Variants in MBD5 observed in about 807,000 individuals in gnomAD.
MBD5 encodes the protein methyl-CpG-binding domain protein 5.
A neutral mutation model predicts 117.3 loss-of-function variants in MBD5; 13 were observed. That is an observed-to-expected ratio of 0.11 (90% CI 0.07 to 0.18). MBD5 has a LOEUF of 0.18. MBD5 is among the 10% of genes least tolerant of loss of function. MBD5 has a pLI of 1.00. For missense variants in MBD5, 1,879 were observed against 2,093.8 expected (o/e 0.90, Z 2.00); for synonymous variants, 727 against 766.4 (o/e 0.95, Z 0.85).
intron 1 of MBD5, among the ~76,000 whole-genome samples, chr2:148,057,413 T>C (rs957191842): frequency 6.6e-6 from 1 of 151,904 alleles, no homozygotes; most frequent in Non-Finnish European, 1.5e-5. Flanking sequence ...TATAAGGTTT[T>C]TGTTTTTTTT....
At chr2:148,342,955 G>A (rs1171425426) in intron 4 of MBD5, among the ~76,000 whole-genome samples, 1 of 151,844 alleles carries the variant, frequency 6.6e-6, no homozygotes, top group African/African-American at 2.4e-5. Flanking sequence ...AGTCCCTGTT[G>A]TCTATTGTTG....
intron 4 of MBD5, among the ~76,000 whole-genome samples, chr2:148,449,226 G>A (rs529281311): frequency 6.6e-6 from 1 of 152,098 alleles, no homozygotes; most frequent in African/African-American, 2.4e-5. Context: ...TTTAAAGAAA[G>A]GAAGTGTTGC....
chr2:148,073,108 C>T (rs1695405321), intron 1 of MBD5, among the ~76,000 whole-genome samples: 1 of 150,690 alleles, frequency 6.6e-6, no homozygotes, highest in South Asian at 2.1e-4. Flanking sequence ...CTGATTTAAT[C>T]TAAATAACTT....
Position 148,379,985 on chromosome 2 carries a change from G to C in MBD5, c.-557+37649G>C, listed in dbSNP as rs1371872075. Among the ~76,000 whole-genome samples the C allele has an allele frequency of 3.3e-5, 5 of 152,110 alleles. No individual in the cohort carries two copies. The East Asian group carries it at 9.6e-4, about 29-fold the overall frequency. ...AGTAAGATACTGGGAGCAAGTCTAA[G>C]AACATTAGCAATTGCTGAGGTACTC... is the stretch of plus-strand genomic sequence containing the variant. On this transcript the variant is annotated intron_variant, in intron 4 of 13. Coordinates refer to ENST00000642680, the MANE Select transcript of MBD5 (RefSeq NM_001378120.1).
In MBD5 at chr2:148,262,508, C is replaced by T. The variant is rs146672412; in HGVS notation, c.-680+29113C>T. On this transcript the variant is annotated intron_variant, in intron 3 of 13. Transcript: ENST00000642680. ...GCTTTATGTTCATTCATGTAACCCT[C>T]ACAGCCACCCTATAATACAGATGCT... Among the ~76,000 whole-genome samples, 747 of 152,188 alleles carry T rather than the reference C, an allele frequency of 4.9e-3. 6 individuals carry two copies. Among genetic ancestry groups the T allele is most frequent in the African/African-American group, 0.017 (724 of 41,510 alleles).
chr2:148,064,082 G>C (rs1695112566), intron 1 of MBD5, among the ~76,000 whole-genome samples: 1 of 151,254 alleles, frequency 6.6e-6, no homozygotes, highest in African/African-American at 2.4e-5. Context: ...TTCATATATA[G>C]GGTGAATCTA....
chr2:148,509,566 T>C (rs1381395125), intron 12 of MBD5, among the ~76,000 whole-genome samples: 1 of 152,234 alleles, frequency 6.6e-6, no homozygotes, highest in Non-Finnish European at 1.5e-5. Context: ...CACCGGCATT[T>C]CAGCCTTCAC....
At chr2:148,195,624 A>T (rs935491279) in intron 2 of MBD5, among the ~76,000 whole-genome samples, 8 of 152,194 alleles carry the variant, frequency 5.3e-5, no homozygotes, top group African/African-American at 1.9e-4. Flanking sequence ...TGTATAGAAC[A>T]TTAATCATGA....
intron 1 of MBD5, among the ~76,000 whole-genome samples, chr2:148,170,048 C>T (rs1248798391): frequency 6.6e-6 from 1 of 152,222 alleles, no homozygotes; most frequent in East Asian, 1.9e-4. Context: ...CAGGCGCCCA[C>T]CAACACACCT....
Position 148,321,963 on chromosome 2 carries a change from T to C in MBD5, c.-679-20251T>C, listed in dbSNP as rs559915194. 2.6e-4 allele frequency among the ~76,000 whole-genome samples: 40 copies of C among 152,286 alleles called. No homozygotes were observed. In the South Asian group the frequency reaches 7.9e-3, roughly 30 times the overall value. The stretch of plus-strand genomic sequence containing the variant: ...CAATGGGAATTAAACTATTCCTTGT[T>C]TGGTTTTCTCATTCTCACTTTGCAT... On this transcript the variant is annotated intron_variant, in intron 3 of 13. Transcript: ENST00000642680.
In MBD5 at chr2:148,109,883, T is replaced by C. The variant is rs147833557; in HGVS notation, c.-924-68817T>C. On this transcript the variant is annotated intron_variant, in intron 1 of 13. Transcript: ENST00000642680. Reference sequence around the variant, plus strand: ...ATAAGTTATATGGTTAAAATTATTTTGTATCTATATTTTATAATCTGCCAC... The same window carrying C: ...ATAAGTTATATGGTTAAAATTATTTCGTATCTATATTTTATAATCTGCCAC... Among the ~76,000 whole-genome samples the C allele has an allele frequency of 9.1e-3, 1,389 of 152,310 alleles. 14 individuals carry two copies. The highest frequency in any genetic ancestry group is 0.031 in the African/African-American group (1,290 of 41,574).
chr2:148,510,227 A>T, intron 13 of MBD5, 92 bp downstream of exon 13: 1 of 878,466 alleles, frequency 1.1e-6, no homozygotes, highest in Non-Finnish European at 1.9e-6. Flanking sequence ...TTGTCAAACA[A>T]CTCACATAGC....
At chr2:148,341,354 C>T (rs529508570) in intron 3 of MBD5, among the ~76,000 whole-genome samples, 49 of 148,418 alleles carry the variant, frequency 3.3e-4, no homozygotes, top group African/African-American at 1.2e-3. Context: ...TTTTCTTGTT[C>T]TCTTTTTGAG....
chr2:148,273,024 C>G (rs982247707), intron 3 of MBD5, among the ~76,000 whole-genome samples: 1 of 152,144 alleles, frequency 6.6e-6, no homozygotes, highest in Non-Finnish European at 1.5e-5. Context: ...GAAAAATACA[C>G]ATTTGTTCTC....
chr2:148,405,731 C>T (rs1314329797), intron 4 of MBD5, among the ~76,000 whole-genome samples: 1 of 152,138 alleles, frequency 6.6e-6, no homozygotes, highest in African/African-American at 2.4e-5. Context: ...CCATTTGAGC[C>T]TGTACAGCTA....
intron 3 of MBD5, among the ~76,000 whole-genome samples, chr2:148,281,789 T>C (rs1399116303): frequency 6.6e-6 from 1 of 152,162 alleles, no homozygotes; most frequent in Non-Finnish European, 1.5e-5. Context: ...GTCTTCCTGG[T>C]TTTATATAAT....
At chr2:148,209,362 C>T (rs542442575) in intron 2 of MBD5, among the ~76,000 whole-genome samples, 81 of 152,088 alleles carry the variant, frequency 5.3e-4, no homozygotes, top group Admixed American at 7.9e-4. Flanking sequence ...GGATTAGTGC[C>T]ACTATAAAAG....
intron 4 of MBD5, among the ~76,000 whole-genome samples, chr2:148,388,282 G>A (rs1704442465): frequency 6.6e-6 from 1 of 152,074 alleles, no homozygotes; most frequent in Non-Finnish European, 1.5e-5. Flanking sequence ...GAGAATTGTT[G>A]GTTCCTAAGC....
chr2:148,262,057 C>G (rs139990115), intron 3 of MBD5, among the ~76,000 whole-genome samples: 1 of 152,066 alleles, frequency 6.6e-6, no homozygotes, highest in Admixed American at 6.6e-5. Context: ...TCACTGATCA[C>G]GGATCACTAT....
Sources: allele counts gnomAD v4.1 joint callset (sites outside exome capture counted in the v4.1 genomes callset), GRCh38; gene constraint gnomAD v4.1.1; transcripts MANE v1.5; gene names NCBI Gene and HGNC (gene_info 2026-07-23, HGNC 2026-07-21).